CCDC3: variants seen among roughly 807,000 people sequenced by gnomAD.
CCDC3 encodes coiled-coil domain containing 3.
CCDC3 carries 24 observed loss-of-function variants against 21.4 expected under a neutral mutation model. The ratio of observed to expected loss-of-function variants is 1.12; its 90% confidence interval spans 0.81 to 1.58. The LOEUF (loss-of-function observed/expected upper bound fraction) is 1.58. Ranked by LOEUF, CCDC3 falls within the 40% of genes most tolerant of loss-of-function variation. The pLI is 0.00. For synonymous variants in CCDC3, 186 were observed against 166.0 expected (o/e 1.12, Z -0.93); for missense variants, 425 against 360.9 (o/e 1.18, Z -1.44).
chr10:12,927,745 A>C (rs1415884040), intron 2 of CCDC3, among the ~76,000 whole-genome samples: 1 of 152,218 alleles, frequency 6.6e-6, no homozygotes, highest in Non-Finnish European at 1.5e-5. Context: ...CGACAAATAC[A>C]CTGAACCTAT....
chr10:12,971,431 G>A (rs1002552059), intron 2 of CCDC3, among the ~76,000 whole-genome samples: 6 of 152,156 alleles, frequency 3.9e-5, no homozygotes, highest in South Asian at 2.1e-4. Flanking sequence ...GTAGCCCACC[G>A]CAGATGGAGA....
chr10:12,916,329 G>T (rs563443074), intron 2 of CCDC3, among the ~76,000 whole-genome samples: 116 of 152,098 alleles, frequency 7.6e-4, no homozygotes, highest in African/African-American at 2.7e-3. Flanking sequence ...CTACTCAGGA[G>T]GCTGAGGCAG....
intron 2 of CCDC3, among the ~76,000 whole-genome samples, chr10:12,977,206 C>T (rs1053059136): frequency 3.3e-5 from 5 of 151,992 alleles, no homozygotes; most frequent in South Asian, 2.1e-4. Context: ...ACCTGGGAGG[C>T]AGAGGTTGCT....
intron 5 of CCDC3, among the ~76,000 whole-genome samples, chr10:13,032,469 T>C (rs1252187742): frequency 1.3e-5 from 2 of 152,116 alleles, no homozygotes; most frequent in African/African-American, 4.8e-5. Context: ...CTATTCAAAA[T>C]AGTGTTGGAA....
At chr10:13,095,228 G>C (rs79071084) in intron 3 of CCDC3, among the ~76,000 whole-genome samples, 1 of 152,250 alleles carries the variant, frequency 6.6e-6, no homozygotes, top group Non-Finnish European at 1.5e-5. Flanking sequence ...CTCATCCTCG[G>C]AATATTTGGA....
upstream of CCDC3, among the ~76,000 whole-genome samples, chr10:13,003,243 G>A (rs879687913): frequency 1.3e-5 from 2 of 152,088 alleles, no homozygotes; most frequent in Admixed American, 1.3e-4. Context: ...GTTGACCATG[G>A]GCCAATCACT....
chr10:12,973,107 T>G (rs1051781729), intron 2 of CCDC3, among the ~76,000 whole-genome samples: 2 of 152,154 alleles, frequency 1.3e-5, no homozygotes, highest in African/African-American at 4.8e-5. Flanking sequence ...ACGTGCCAGG[T>G]GCTCTGCTGG....
At chr10:12,905,148 G>A (rs375530512) in intron 2 of CCDC3, among the ~76,000 whole-genome samples, 1 of 152,184 alleles carries the variant, frequency 6.6e-6, no homozygotes, top group Admixed American at 6.5e-5. Context: ...CTTTGTTCCT[G>A]TTCTCGGGAT....
chr10:12,921,934 A>G (rs1433630562), intron 2 of CCDC3, among the ~76,000 whole-genome samples: 1 of 152,078 alleles, frequency 6.6e-6, no homozygotes, highest in East Asian at 1.9e-4. Context: ...GGGTCTTGCC[A>G]TGTTGCCTGG....
At chr10:13,060,948 G>A (rs1214232522) in intron 4 of CCDC3, among the ~76,000 whole-genome samples, 1 of 152,212 alleles carries the variant, frequency 6.6e-6, no homozygotes, top group Non-Finnish European at 1.5e-5. Flanking sequence ...ATTCAAGGAA[G>A]AGAGGGCTCT....
At chr10:13,063,968 G>A (rs1014027653) in intron 4 of CCDC3, among the ~76,000 whole-genome samples, 40 of 151,848 alleles carry the variant, frequency 2.6e-4, no homozygotes, top group Non-Finnish European at 3.1e-4. Flanking sequence ...TCGCTCTGTC[G>A]TCACGCTGGA....
chr10:13,001,055 G>A (rs1184188612), intron 1 of CCDC3, 142 bp downstream of exon 1: 2 of 1,052,288 alleles, frequency 1.9e-6, no homozygotes, highest in Non-Finnish European at 2.7e-6. Context: ...GATCCAAGAA[G>A]GCAAGGGGTA....
At chr10:13,086,533 C>T (rs940017004) in intron 3 of CCDC3, among the ~76,000 whole-genome samples, 10 of 152,118 alleles carry the variant, frequency 6.6e-5, no homozygotes, top group South Asian at 2.1e-4. Flanking sequence ...CTCAGCTCAC[C>T]GCAACCTCCG....
intron 2 of CCDC3, among the ~76,000 whole-genome samples, chr10:12,975,372 T>C (rs1235644291): frequency 6.6e-6 from 1 of 152,166 alleles, no homozygotes; most frequent in Non-Finnish European, 1.5e-5. Flanking sequence ...CTTCCAGAGT[T>C]CTGCTCAGCC....
At chr10:12,910,611 A>AATT (rs1554753179) in intron 2 of CCDC3, among the ~76,000 whole-genome samples, 8,479 of 105,154 alleles carry the variant, frequency 0.081, 556 homozygotes, top group Non-Finnish European at 0.13. Flanking sequence ...AAAAAAAAAA[A>AATT]TTTTTTTTTT....
chr10:13,057,401 A>G (rs1836694474), intron 4 of CCDC3, among the ~76,000 whole-genome samples: 1 of 152,188 alleles, frequency 6.6e-6, no homozygotes, highest in African/African-American at 2.4e-5. Flanking sequence ...ACCATTTTCA[A>G]GATGGCAAGT....
chr10:12,929,362 AC>A (rs1458584523), intron 2 of CCDC3, among the ~76,000 whole-genome samples: 1 of 151,486 alleles, frequency 6.6e-6, no homozygotes, highest in Non-Finnish European at 1.5e-5. Flanking sequence ...TCTTTAAGTC[AC>A]CAAAACAAGG....
intron 2 of CCDC3, among the ~76,000 whole-genome samples, chr10:12,940,008 A>G (rs1341695568): frequency 1.3e-5 from 2 of 152,326 alleles, no homozygotes; most frequent in African/African-American, 4.8e-5. Flanking sequence ...TTAAATGCCC[A>G]TTCTAGGGCC....
At chr10:12,969,690 T>C (rs1048930417) in intron 2 of CCDC3, among the ~76,000 whole-genome samples, 1 of 149,376 alleles carries the variant, frequency 6.7e-6, no homozygotes, top group African/African-American at 2.4e-5. Flanking sequence ...AGAAATTTTT[T>C]AATATTTTAA....
Sources: gnomAD v4.1 joint callset for allele counts (sites outside exome capture counted in the v4.1 genomes callset) on GRCh38, gnomAD v4.1.1 for gene constraint, MANE v1.5 for transcripts, NCBI Gene and HGNC (gene_info 2026-07-23, HGNC 2026-07-21) for gene names.